The following ZNF540 variants were observed in gnomAD, a reference collection of about 807,000 sequenced individuals.
The protein encoded by ZNF540 is CTD-3064H18.6.
A neutral mutation model predicts 11.8 loss-of-function variants in ZNF540; 3 were observed. The observed-to-expected ratio is 0.25, with a 90% CI of 0.12 to 0.65. The LOEUF (loss-of-function observed/expected upper bound fraction) is 0.65. Ranked by LOEUF, ZNF540 falls within the 30% of genes least tolerant of loss-of-function variation. ZNF540 has a pLI of 0.83. For missense variants in ZNF540, 709 were observed against 793.1 expected, an observed-to-expected ratio of 0.89 and a Z score of 1.27; for synonymous variants, 247 against 259.0, an observed-to-expected ratio of 0.95 and a Z score of 0.45.
At chr19:37,597,264 G>C (rs1040232540) in intron 1 of ZNF540, among the ~76,000 whole-genome samples, 1 of 151,988 alleles carries the variant, frequency 6.6e-6, no homozygotes, top group Admixed American at 6.6e-5. Context: ...AGGGACCCTG[G>C]GGACTCTTCT....
intron 4 of ZNF540, among the ~76,000 whole-genome samples, chr19:37,603,667 TTAATAA>T (rs71707205): frequency 0.26 from 40,097 of 151,796 alleles, 6,300 homozygotes; most frequent in Non-Finnish European, 0.37. Flanking sequence ...TAATCAGGAG[TTAATAA>T]TAATAACAGT....
chr19:37,595,906 A>C (rs1453633462), intron 1 of ZNF540, among the ~76,000 whole-genome samples: 1 of 152,232 alleles, frequency 6.6e-6, no homozygotes, highest in Non-Finnish European at 1.5e-5. Context: ...TGGAGCATTA[A>C]TTTGCCTTCA....
At chr19:37,598,035 C>T (rs1263471523) in intron 1 of ZNF540, among the ~76,000 whole-genome samples, 1 of 152,174 alleles carries the variant, frequency 6.6e-6, no homozygotes, top group Non-Finnish European at 1.5e-5. Flanking sequence ...GTGGTCTGTC[C>T]CCTTTGGATG....
At chr19:37,583,741 G>T in intron 1 of ZNF540, 1 of 425,028 alleles carries the variant, frequency 2.4e-6, no homozygotes. Flanking sequence ...GGGATTCCCA[G>T]ATTCAAATCT....
intron 1 of ZNF540, chr19:37,555,761 C>A: frequency 3.2e-6 from 2 of 620,102 alleles, no homozygotes; most frequent in Non-Finnish European, 2.9e-6. Context: ...AACATCAAAT[C>A]CTGGGATATA....
chr19:37,560,703 C>T (rs1005790916), intron 1 of ZNF540: 4 of 152,196 alleles, frequency 2.6e-5, no homozygotes, highest in East Asian at 1.9e-4. Context: ...AGTAAAGCTT[C>T]GTTTTGAACA....
chr19:37,571,827 T>C (rs568282179), intron 1 of ZNF540, among the ~76,000 whole-genome samples: 7 of 152,382 alleles, frequency 4.6e-5, no homozygotes, highest in African/African-American at 1.7e-4. Flanking sequence ...CAACAACTTT[T>C]TGGCTCCTAA....
intron 1 of ZNF540, among the ~76,000 whole-genome samples, chr19:37,579,233 G>A (rs940961112): frequency 1.3e-5 from 2 of 152,204 alleles, no homozygotes; most frequent in East Asian, 1.9e-4. Context: ...GGGCTAGCCC[G>A]ACTGCAGTCC....
intron 4 of ZNF540, 89 bp from the exon 5 acceptor site, chr19:37,611,424 T>C: frequency 9.3e-7 from 1 of 1,076,786 alleles, no homozygotes; most frequent in Non-Finnish European, 1.3e-6. Flanking sequence ...AGAACCGTTT[T>C]CACTTTGTTT....
In ZNF540 at chr19:37,613,487, A is replaced by G; in HGVS notation, c.*224A>G. The G allele has an allele frequency of 2.4e-6, 1 of 420,260 alleles. No individual in the cohort carries two copies. Among genetic ancestry groups the G allele is most frequent in the Non-Finnish European group, 4.2e-6 (1 of 239,074 alleles). 26.0% of individuals were successfully genotyped at this position (420,260 alleles called of 1,614,324 possible). A position where few individuals can be genotyped will look rare whatever the true frequency, so the allele number is the denominator to read the frequency against. On this transcript the variant is annotated 3_prime_UTR_variant, in exon 5 of 5. Coordinates refer to ENST00000316433, the MANE Select transcript of ZNF540 (RefSeq NM_001172225.3). ...AGTGTTCTAGCAACAGCATATACTT[A>G]TCATCATTGCCTTTCCACTACTCTA... is the stretch of plus-strand genomic sequence containing the variant.
intron 4 of ZNF540, among the ~76,000 whole-genome samples, chr19:37,603,082 A>C (rs2044053012): frequency 7.1e-6 from 1 of 141,600 alleles, no homozygotes; most frequent in South Asian, 2.2e-4. Flanking sequence ...ATCTCGGCTC[A>C]CTGCAACCTC....
intron 1 of ZNF540, among the ~76,000 whole-genome samples, chr19:37,596,009 G>T (rs1027393076): frequency 6.6e-6 from 1 of 152,072 alleles, no homozygotes; most frequent in South Asian, 2.1e-4. Flanking sequence ...AATTTGAGAT[G>T]ATTGTAGATT....
chr19:37,578,361 A>C (rs956667726), intron 1 of ZNF540, among the ~76,000 whole-genome samples: 1 of 152,132 alleles, frequency 6.6e-6, no homozygotes, highest in African/African-American at 2.4e-5. Flanking sequence ...AAACGGTGAG[A>C]GAGTGAGAGT....
At chr19:37,565,344 GT>G in intron 1 of ZNF540, 2 of 1,613,566 alleles carry the variant, frequency 1.2e-6, no homozygotes, top group Non-Finnish European at 1.7e-6. Flanking sequence ...CATTCATAGG[GT>G]TTCTCTCCTG....
At chr19:37,581,470 T>C (rs141251030) in intron 1 of ZNF540, among the ~76,000 whole-genome samples, 2,408 of 149,968 alleles carry the variant, frequency 0.016, 27 homozygotes, top group Middle Eastern at 0.037. Flanking sequence ...TTCTTTCTTT[T>C]TTTTTTTTTT....
At chr19:37,559,062 T>C (rs944163872) in intron 1 of ZNF540, among the ~76,000 whole-genome samples, 3 of 152,036 alleles carry the variant, frequency 2.0e-5, no homozygotes, top group African/African-American at 2.4e-5. Context: ...AAGGCTGGTC[T>C]CAAACTCCTG....
chr19:37,560,083 C>T (rs1246920553), intron 1 of ZNF540, among the ~76,000 whole-genome samples: 1 of 151,972 alleles, frequency 6.6e-6, no homozygotes, highest in African/African-American at 2.4e-5. Flanking sequence ...TTGAGACCAG[C>T]CTGGCCAACA....
intron 1 of ZNF540, among the ~76,000 whole-genome samples, chr19:37,589,227 A>G (rs886322790): frequency 1.3e-5 from 2 of 151,558 alleles, no homozygotes. Context: ...AAAAATCACA[A>G]AAATGCTAGA....
intron 1 of ZNF540, chr19:37,563,709 AT>A (rs2042751281): frequency 6.9e-6 from 1 of 144,624 alleles, no homozygotes; most frequent in African/African-American, 2.9e-5. Flanking sequence ...TGTGGAATAT[AT>A]ACATGTGGAA....
Sources: allele counts gnomAD v4.1 joint callset (sites outside exome capture counted in the v4.1 genomes callset), GRCh38; gene constraint gnomAD v4.1.1; transcripts MANE v1.5; gene names NCBI Gene and HGNC (gene_info 2026-07-23, HGNC 2026-07-21).